CDHR1: variants seen among roughly 807,000 people sequenced by gnomAD.
CDHR1 encodes the protein cadherin-related family member 1.
Under a neutral mutation model 72.1 loss-of-function variants are expected in CDHR1, and 61 were observed. The observed-to-expected ratio is 0.85, with a 90% confidence interval of 0.69 to 1.05. CDHR1 has a LOEUF of 1.05. Among genes scored for constraint, CDHR1 ranks in the 50% least tolerant of loss-of-function variants. CDHR1 has a pLI of 0.00. For missense variants in CDHR1, 1,186 were observed against 1,115.7 expected (o/e 1.06, Z -0.90); for synonymous variants, 470 against 448.1 (o/e 1.05, Z -0.62).
chr10:84,210,861 G>T, intron 12 of CDHR1, 140 bp from the exon 13 acceptor site: 1 of 910,534 alleles, frequency 1.1e-6, no homozygotes, highest in Non-Finnish European at 1.8e-6. Context: ...ACCCTTACAG[G>T]AATAGCTGGT....
chr10:84,196,687 C>T, intron 3 of CDHR1, 37 bp downstream of exon 3: 1 of 1,613,078 alleles, frequency 6.2e-7, no homozygotes, highest in Non-Finnish European at 8.5e-7. Flanking sequence ...GGGGCCACTG[C>T]CTGTAGACAG....
chr10:84,210,355 T>A (rs1352960419), intron 12 of CDHR1, among the ~76,000 whole-genome samples: 1 of 152,134 alleles, frequency 6.6e-6, no homozygotes, highest in Non-Finnish European at 1.5e-5. Flanking sequence ...AAACTCTGCC[T>A]CCCAGGTTTA....
chr10:84,200,912 A>G (rs4933976), intron 6 of CDHR1, among the ~76,000 whole-genome samples: 83,188 of 152,068 alleles, frequency 0.55, 24,351 homozygotes, highest in African/African-American at 0.78. Context: ...TCCCTCTTCC[A>G]ACGTCCCCAG....
intron 10 of CDHR1, among the ~76,000 whole-genome samples, chr10:84,206,741 C>G (rs1207827980): frequency 6.6e-6 from 1 of 152,084 alleles, no homozygotes; most frequent in Non-Finnish European, 1.5e-5. Flanking sequence ...CAGGAATCTG[C>G]GTATTATAAG....
intron 15 of CDHR1, 135 bp from the exon 16 acceptor site, chr10:84,212,956 C>A: frequency 8.5e-7 from 1 of 1,170,518 alleles, no homozygotes; most frequent in East Asian, 2.4e-5. Context: ...GTTCCTTTCC[C>A]AACTCAATCC....
intron 12 of CDHR1, among the ~76,000 whole-genome samples, chr10:84,210,155 C>T (rs1054549034): frequency 7.9e-5 from 12 of 151,934 alleles, no homozygotes; most frequent in Non-Finnish European, 1.8e-4. Flanking sequence ...GGGAGGCAGA[C>T]GTTGCAGTGA....
At chr10:84,208,491 C>T (rs1181639363) in intron 11 of CDHR1, 114 bp downstream of exon 11, 23 of 1,196,234 alleles carry the variant, frequency 1.9e-5, no homozygotes, top group East Asian at 5.0e-5. Context: ...ACCAGGTGGG[C>T]CACAAAATGA....
intron 2 of CDHR1, 125 bp downstream of exon 2, chr10:84,195,714 C>T (rs761672095): frequency 8.8e-6 from 7 of 791,068 alleles, no homozygotes; most frequent in Admixed American, 6.0e-5. Context: ...GTTTGCTCTC[C>T]GAATTCCCCT....
At position 84,204,509 on chromosome 10, in the gene CDHR1, T is replaced by C; in HGVS notation, c.784-18T>C. On this transcript the variant is annotated intron_variant, in intron 8 of 16. Coordinates refer to ENST00000623527, the MANE Select transcript of CDHR1 (RefSeq NM_033100.4). The stretch of plus-strand genomic sequence containing the variant: ...CCCATATTGCCCATCAGGCAGCGGC[T>C]GTTCCTGTTTCCCCGAGGGCTCGGA... 6.3e-7 allele frequency: 1 copy of C among 1,590,144 alleles called. No homozygotes were observed. Among genetic ancestry groups the C allele is most frequent in the South Asian group, 1.1e-5 (1 of 90,646 alleles).
chr10:84,194,863 G>A (rs916440091), intron 1 of CDHR1, 48 bp downstream of exon 1: 1 of 1,510,288 alleles, frequency 6.6e-7, no homozygotes, highest in Non-Finnish European at 8.9e-7. Context: ...CGAGGGAGAT[G>A]GGCGCTGGCG....
rs146934914 is a variant in CDHR1 at position 84,211,080 on chromosome 10, A to T, written c.1400A>T (p.Asp467Val). The T allele has an allele frequency of 1.5e-5, 25 of 1,614,084 alleles. No homozygotes were observed. The African/African-American group carries it at 2.7e-4, about 17-fold the overall frequency. ...DVVIQLLDTN[D>V]NVPKFDSLYY... Reference sequence around the variant, plus strand: ...GTGATCCAGCTCCTGGACACCAATGACAATGTCCCCAAGTTCGACTCCCTC... The same window carrying T: ...GTGATCCAGCTCCTGGACACCAATGTCAATGTCCCCAAGTTCGACTCCCTC... Residue 467 changes from aspartate to valine, a missense_variant, in exon 13 of 17, where the codon GAC becomes GTC. Physicochemically the swap from Asp to Val is radical, Grantham distance 152. Coordinates refer to ENST00000623527, the MANE Select transcript of CDHR1 (RefSeq NM_033100.4).
intron 15 of CDHR1, 25 bp downstream of exon 15, chr10:84,212,432 C>T (rs746534126): frequency 3.2e-6 from 5 of 1,578,096 alleles, no homozygotes; most frequent in African/African-American, 1.4e-5. Flanking sequence ...CAGCTGAGCT[C>T]CCCTAAAAGC....
intron 3 of CDHR1, among the ~76,000 whole-genome samples, chr10:84,197,045 T>C (rs1842042640): frequency 6.6e-6 from 1 of 152,138 alleles, no homozygotes; most frequent in Non-Finnish European, 1.5e-5. Context: ...TGGTTGGCAG[T>C]GAGTCTGAGT....
At position 84,215,331 on chromosome 10, in the gene CDHR1, A is replaced by G; in HGVS notation, c.*710A>G. On this transcript the variant is annotated 3_prime_UTR_variant, in exon 17 of 17. Coordinates refer to ENST00000623527, the MANE Select transcript of CDHR1 (RefSeq NM_033100.4). ...AGAGTGAGGGCAGATGTCTCCAGCC[A>G]GGACTGCCCTGAGCCGCAAAATGTC... 2.0e-6 allele frequency: 2 copies of G among 986,460 alleles called. No homozygotes were observed. Among genetic ancestry groups the G allele is most frequent in the Non-Finnish European group, 2.4e-6 (2 of 830,700 alleles). 61.1% of individuals were successfully genotyped at this position (986,460 alleles called of 1,614,324 possible).
chr10:84,212,895 C>T, intron 15 of CDHR1, 196 bp from the exon 16 acceptor site: 1 of 666,726 alleles, frequency 1.5e-6, no homozygotes, highest in Non-Finnish European at 2.6e-6. Flanking sequence ...AATCGGCTAG[C>T]CCATGTGTAA....
rs1163042932 is a variant in CDHR1 at position 84,213,132 on chromosome 10, C to T, written c.1824C>T (p.Asp608=). ...CAGAGGAACCCAACAACCTGGTGGA[C>T]TATTCCATCACCCATGCAGAGCCCG... The part of the protein sequence containing the change: ...EDAEEPNNLV[D]YSITHAEPAN... The change falls in exon 16 of 17, where the codon GAC becomes GAT. Residue 608 remains aspartate (D), a synonymous_variant. Coordinates refer to ENST00000623527, the MANE Select transcript of CDHR1 (RefSeq NM_033100.4). 6.2e-7 allele frequency: 1 copy of T among 1,614,240 alleles called. No individual in the cohort carries two copies. Among genetic ancestry groups the T allele is most frequent in the Admixed American group, 1.7e-5 (1 of 60,024 alleles).
At chr10:84,202,295 G>A (rs1418161793) in intron 7 of CDHR1, among the ~76,000 whole-genome samples, 1 of 152,152 alleles carries the variant, frequency 6.6e-6, no homozygotes, top group East Asian at 1.9e-4. Flanking sequence ...CCCCTTCTGA[G>A]CCTCAGTTTC....
Position 84,217,115 on chromosome 10 carries a change from G to A in CDHR1, c.*2494G>A, listed in dbSNP as rs574910144. ...AGGGTGCAGCCAAACTTAAGGCACC[G>A]GCAAGTGTTGTCAGCACTGGAGGAG... is the stretch of plus-strand genomic sequence containing the variant. On this transcript the variant is annotated 3_prime_UTR_variant, in exon 17 of 17. Transcript: ENST00000623527. 5.1e-5 allele frequency: 50 copies of A among 985,640 alleles called. No individual in the cohort carries two copies. In the South Asian group the frequency reaches 8.0e-4, roughly 16 times the overall value. The allele number at this position is 985,640 out of a possible 1,614,324, so 61.1% of individuals were successfully genotyped here. A position where few individuals can be genotyped will look rare whatever the true frequency, so the allele number is the denominator to read the frequency against.
rs201249347 is a variant in CDHR1 at position 84,211,742 on chromosome 10, G to A, written c.1553+27G>A. On this transcript the variant is annotated intron_variant, in intron 14 of 16. Coordinates refer to ENST00000623527, the MANE Select transcript of CDHR1 (RefSeq NM_033100.4). ...TAAGTAGATCCAGAATCCAGGACAG[G>A]GCCTTGGGCAAGGGGATTGGAAGGC... 7 of 1,597,158 alleles carry A rather than the reference G, an allele frequency of 4.4e-6. No individual in the cohort carries two copies. The East Asian group carries it at 1.6e-4, about 36-fold the overall frequency.
Sources: gnomAD v4.1 joint callset for allele counts (sites outside exome capture counted in the v4.1 genomes callset) on GRCh38, gnomAD v4.1.1 for gene constraint, MANE v1.5 for transcripts, NCBI Gene and HGNC (gene_info 2026-07-23, HGNC 2026-07-21) for gene names.